WASHC4: variants seen among roughly 807,000 people sequenced by gnomAD.
WASHC4 encodes WASH complex subunit 7.
Under a neutral mutation model 166.6 loss-of-function variants are expected in WASHC4, and 86 were observed. The observed-to-expected ratio is 0.52, with a 90% confidence interval of 0.43 to 0.62. The LOEUF (loss-of-function observed/expected upper bound fraction) is 0.62, where lower values mean the gene tolerates loss of function less well. WASHC4 is among the 20% of genes least tolerant of loss of function. WASHC4 has a pLI of 0.00. For synonymous variants in WASHC4, 446 were observed against 451.6 expected (o/e 0.99, Z 0.16); for missense variants, 1,262 against 1,382.4 (o/e 0.91, Z 1.38).
chr12:105,152,480 C>A, intron 26 of WASHC4, 29 bp downstream of exon 26: 1 of 1,183,738 alleles, frequency 8.4e-7, no homozygotes, highest in Non-Finnish European at 1.3e-6. Context: ...GTTGGGAAAT[C>A]AGGTACAGAT....
At chr12:105,165,564 CT>C (rs1884762827) in intron 32 of WASHC4, among the ~76,000 whole-genome samples, 1 of 152,070 alleles carries the variant, frequency 6.6e-6, no homozygotes, top group Non-Finnish European at 1.5e-5. Context: ...CTTACTCGTG[CT>C]TCATGAAGTT....
chr12:105,154,899 A>T (rs1884027704), intron 26 of WASHC4, among the ~76,000 whole-genome samples: 2 of 152,260 alleles, frequency 1.3e-5, no homozygotes, highest in African/African-American at 4.8e-5. Flanking sequence ...GCACATTAAA[A>T]AAATTTCAAT....
chr12:105,142,576 T>C lies in WASHC4; in HGVS notation c.1893+18T>C. On this transcript the variant is annotated intron_variant, in intron 19 of 32. Coordinates refer to ENST00000332180, the MANE Select transcript of WASHC4 (RefSeq NM_015275.3). ...GATTACATGTAAGTAAAGAACAATA[T>C]AAAGAATAATTCTATCATTTTAAAA... 1 of 1,273,958 alleles carries C rather than the reference T, an allele frequency of 7.8e-7. No individual in the cohort carries two copies. Among genetic ancestry groups the C allele is most frequent in the Non-Finnish European group, 1.1e-6 (1 of 874,388 alleles). 78.9% of individuals were successfully genotyped at this position (1,273,958 alleles called of 1,614,324 possible). A position where few individuals can be genotyped will look rare whatever the true frequency, so the allele number is the denominator to read the frequency against.
chr12:105,144,323 G>C lies in WASHC4; in HGVS notation c.2047G>C (p.Asp683His). 1 of 1,613,110 alleles carries C rather than the reference G, an allele frequency of 6.2e-7. No homozygotes were observed. The highest frequency in any genetic ancestry group is 1.1e-5 in the South Asian group (1 of 90,928). ...CAAATTATGCAAAGAAATAGAGAAA[G>C]ATCTGCGACTTTCTGTGCATACTCA... Reference protein sequence around the residue: ...LDKLCKEIEKDLRLSVHTHLK... With the variant: ...LDKLCKEIEKHLRLSVHTHLK... The change falls in exon 21 of 33, where the codon GAT becomes CAT. Residue 683 changes from aspartate to histidine, a missense_variant. Coordinates refer to ENST00000332180, the MANE Select transcript of WASHC4 (RefSeq NM_015275.3).
intron 29 of WASHC4, among the ~76,000 whole-genome samples, chr12:105,162,505 A>AT (rs1884560760): frequency 6.6e-6 from 1 of 152,166 alleles, no homozygotes; most frequent in Admixed American, 6.5e-5. Flanking sequence ...CTAAGTAGTG[A>AT]TTGAGGGAGT....
intron 24 of WASHC4, chr12:105,148,023 G>C: frequency 1.0e-6 from 1 of 985,326 alleles, no homozygotes; most frequent in Non-Finnish European, 1.2e-6. Context: ...CTGGTTTTCA[G>C]AGCACAGTTA....
chr12:105,129,896 G>A (rs1881640664), intron 13 of WASHC4, among the ~76,000 whole-genome samples: 3 of 152,156 alleles, frequency 2.0e-5, no homozygotes, highest in Admixed American at 6.5e-5. Context: ...AACATACCAT[G>A]TTCCATAAAG....
rs1884913542 is a variant in WASHC4 at position 105,168,318 on chromosome 12, A to G, written c.*1387A>G. On this transcript the variant is annotated 3_prime_UTR_variant, in exon 33 of 33. Coordinates refer to ENST00000332180, the MANE Select transcript of WASHC4 (RefSeq NM_015275.3). Reference sequence around the variant, plus strand: ...AATGTTTTTTGTTTATTATGTAAACATGGCTTACAGAATTATGAACAGTGG... The same window carrying G: ...AATGTTTTTTGTTTATTATGTAAACGTGGCTTACAGAATTATGAACAGTGG... The G allele has an allele frequency of 6.6e-6, 1 of 152,570 alleles. No individual in the cohort carries two copies. Among genetic ancestry groups the G allele is most frequent in the East Asian group, 1.9e-4 (1 of 5,204 alleles). The allele number at this position is 152,570 out of a possible 1,614,324, so 9.5% of individuals were successfully genotyped here.
At position 105,141,309 on chromosome 12, in the gene WASHC4, C is replaced by G. The variant is rs1163864274; in HGVS notation, c.1787+63C>G. ...CAGGGTTAATAGAAACATTGATTTT[C>G]TTTTTAGCATAGCAAGAGAAGAAAT... On this transcript the variant is annotated intron_variant, in intron 18 of 32. Coordinates refer to ENST00000332180, the MANE Select transcript of WASHC4 (RefSeq NM_015275.3). 6.2e-6 allele frequency: 7 copies of G among 1,136,794 alleles called. No homozygotes were observed. The East Asian group carries it at 1.6e-4, about 27-fold the overall frequency. The allele number at this position is 1,136,794 out of a possible 1,614,324, so 70.4% of individuals were successfully genotyped here. A position where few individuals can be genotyped will look rare whatever the true frequency, so the allele number is the denominator to read the frequency against.
intron 24 of WASHC4, chr12:105,147,384 A>G: frequency 1.9e-6 from 1 of 524,918 alleles, no homozygotes; most frequent in Non-Finnish European, 3.4e-6. Flanking sequence ...CATCATTATA[A>G]ATAGTGCTAG....
intron 9 of WASHC4, among the ~76,000 whole-genome samples, chr12:105,121,723 G>T (rs1880770920): frequency 6.6e-6 from 1 of 152,010 alleles, no homozygotes; most frequent in South Asian, 2.1e-4. Flanking sequence ...GGCCAGGATG[G>T]TCTCCATCTC....
At chr12:105,149,860 C>A in intron 25 of WASHC4, 111 bp downstream of exon 25, 1 of 1,098,620 alleles carries the variant, frequency 9.1e-7, no homozygotes, top group Non-Finnish European at 1.2e-6. Flanking sequence ...TTTTATTTTC[C>A]CTATAATTTC....
At chr12:105,153,399 A>G (rs1051395194) in intron 26 of WASHC4, among the ~76,000 whole-genome samples, 1 of 152,232 alleles carries the variant, frequency 6.6e-6, no homozygotes, top group Non-Finnish European at 1.5e-5. Flanking sequence ...ATTGATTTGC[A>G]TATTAGACAT....
chr12:105,153,620 G>A (rs1395128530), intron 26 of WASHC4, among the ~76,000 whole-genome samples: 3 of 152,144 alleles, frequency 2.0e-5, no homozygotes, highest in African/African-American at 7.2e-5. Context: ...CAGAACTAAT[G>A]CCTATATGAC....
At chr12:105,123,650 G>A (rs1373767139) in intron 10 of WASHC4, among the ~76,000 whole-genome samples, 2 of 152,204 alleles carry the variant, frequency 1.3e-5, no homozygotes, top group Admixed American at 6.5e-5. Flanking sequence ...AAGGAAGGAA[G>A]CTGTCTCCAT....
intron 12 of WASHC4, among the ~76,000 whole-genome samples, chr12:105,126,765 G>A (rs1881322684): frequency 6.6e-6 from 1 of 152,016 alleles, no homozygotes; most frequent in Non-Finnish European, 1.5e-5. Flanking sequence ...TCAAGTGATA[G>A]TAACTATGAT....
In WASHC4 at chr12:105,107,857, G is replaced by A; in HGVS notation, c.57G>A (p.Ser19=). ...DWEFDRVDDG[S]QKIHAEVQLK... is the part of the protein sequence containing the mutation. ...AGTTTGACCGCGTTGACGACGGCTC[G>A]CAGAGTAAGGGAGCTGCAGGGCGAG... Residue 19 remains serine (S), a synonymous_variant, in exon 1 of 33, where the codon TCG becomes TCA. Transcript: ENST00000332180. 6.5e-7 allele frequency: 1 copy of A among 1,548,964 alleles called. No homozygotes were observed. The highest frequency in any genetic ancestry group is 8.7e-7 in the Non-Finnish European group (1 of 1,144,876).
At position 105,144,102 on chromosome 12, in the gene WASHC4, T is replaced by G. The variant is rs571091817; in HGVS notation, c.2011-185T>G. Among the ~76,000 whole-genome samples the G allele has an allele frequency of 3.9e-5, 6 of 152,140 alleles. No homozygotes were observed. In the East Asian group the frequency reaches 1.2e-3, roughly 29 times the overall value. On this transcript the variant is annotated intron_variant, in intron 20 of 32. Transcript: ENST00000332180. ...TTCCTTATGATGGTACCATCAATCA[T>G]TAGTTTTAGATTTTCTTTTCAAGAG...
intron 6 of WASHC4, among the ~76,000 whole-genome samples, chr12:105,116,624 A>G (rs1053175617): frequency 1.3e-5 from 2 of 152,196 alleles, no homozygotes; most frequent in African/African-American, 4.8e-5. Context: ...TTTTGCTACA[A>G]AAAAATGGGT....
Sources: gnomAD v4.1 joint callset for allele counts (sites outside exome capture counted in the v4.1 genomes callset) on GRCh38, gnomAD v4.1.1 for gene constraint, MANE v1.5 for transcripts, NCBI Gene and HGNC (gene_info 2026-07-23, HGNC 2026-07-21) for gene names.